CNTNAP2: variants seen among roughly 807,000 people sequenced by gnomAD.
CNTNAP2 encodes the protein contactin associated protein 2.
Under a neutral mutation model 155.2 loss-of-function variants are expected in CNTNAP2, and 98 were observed. The observed-to-expected ratio is 0.63, with a 90% CI of 0.54 to 0.75. CNTNAP2 has a LOEUF of 0.75. Ranked by LOEUF, CNTNAP2 falls within the 30% of genes least tolerant of loss-of-function variation. The pLI, the probability that CNTNAP2 is intolerant of heterozygous loss-of-function variation, is 0.00. For synonymous variants in CNTNAP2, 651 were observed against 631.2 expected (o/e 1.03, Z -0.47); for missense variants, 1,727 against 1,688.1 (o/e 1.02, Z -0.40).
At chr7:147,981,786 G>GGTGT (rs57272792) in intron 15 of CNTNAP2, among the ~76,000 whole-genome samples, 160 of 143,772 alleles carry the variant, frequency 1.1e-3, no homozygotes, top group Middle Eastern at 3.5e-3. Flanking sequence ...TGTCCTTACA[G>GGTGT]GTGTGTGTGT....
At chr7:147,749,618 A>G (rs1333674223) in intron 13 of CNTNAP2, among the ~76,000 whole-genome samples, 1 of 152,042 alleles carries the variant, frequency 6.6e-6, no homozygotes, top group Non-Finnish European at 1.5e-5. Flanking sequence ...TGTGAGATAT[A>G]TGAAGCAAGC....
chr7:148,137,289 A>G (rs1438422583), intron 16 of CNTNAP2, among the ~76,000 whole-genome samples: 1 of 152,232 alleles, frequency 6.6e-6, no homozygotes, highest in East Asian at 1.9e-4. Context: ...TAAATTGGTT[A>G]TGCATCTCTT....
chr7:146,232,897 A>G (rs1019915613), intron 1 of CNTNAP2, among the ~76,000 whole-genome samples: 13 of 152,134 alleles, frequency 8.5e-5, no homozygotes, highest in African/African-American at 2.9e-4. Flanking sequence ...ATGGAAAGCA[A>G]TGTCTTTTTC....
In CNTNAP2 at chr7:147,225,942, G is replaced by GGAAAGGAAGAAAGAGA. The variant is rs1431726957; in HGVS notation, c.1349-74177_1349-74162dup. On this transcript the variant is annotated intron_variant, in intron 8 of 23. Coordinates refer to ENST00000361727, the MANE Select transcript of CNTNAP2 (RefSeq NM_014141.6). ...AGGAAAGAAGGAAGGAAAGAAGGAA[G>GGAAAGGAAGAAAGAGA]GAAAGGAAGAAAGAGAGAAAGGAAG... 2.4e-3 allele frequency among the ~76,000 whole-genome samples: 346 copies of GGAAAGGAAGAAAGAGA among 144,090 alleles called. 2 individuals carry two copies. The highest frequency in any genetic ancestry group is 3.5e-3 in the Non-Finnish European group (228 of 65,376). The allele number at this position is 144,090 out of a possible 152,430, so 94.5% of individuals were successfully genotyped here. A position where few individuals can be genotyped will look rare whatever the true frequency, so the allele number is the denominator to read the frequency against.
chr7:147,127,356 G>A lies in CNTNAP2; in HGVS notation c.940-1337G>A, dbSNP rs142365401. Among the ~76,000 whole-genome samples, 47 of 150,546 alleles carry A rather than the reference G, an allele frequency of 3.1e-4. No homozygotes were observed. The East Asian group carries it at 8.9e-3, about 29-fold the overall frequency. The stretch of plus-strand genomic sequence containing the variant: ...CAGCTAACCATTATTAATAATAATT[G>A]ATTTTATTGTAAATGAGGCCTTTGT... On this transcript the variant is annotated intron_variant, in intron 6 of 23. Transcript: ENST00000361727.
At chr7:148,025,724 C>T (rs951138236) in intron 15 of CNTNAP2, among the ~76,000 whole-genome samples, 2 of 152,202 alleles carry the variant, frequency 1.3e-5, no homozygotes, top group Non-Finnish European at 2.9e-5. Flanking sequence ...AATACTTACT[C>T]TTTCTGTAAT....
chr7:146,671,021 G>T (rs1293256393), intron 1 of CNTNAP2, among the ~76,000 whole-genome samples: 5 of 152,096 alleles, frequency 3.3e-5, no homozygotes, highest in African/African-American at 1.2e-4. Flanking sequence ...TAAACACAAC[G>T]AACTTCAAAG....
chr7:147,072,665 A>T (rs888187450), intron 4 of CNTNAP2, among the ~76,000 whole-genome samples: 1 of 152,026 alleles, frequency 6.6e-6, no homozygotes. Flanking sequence ...GTGGTGGAAA[A>T]AAGTGCTGGA....
At chr7:147,924,781 G>A (rs1183160462) in intron 14 of CNTNAP2, among the ~76,000 whole-genome samples, 1 of 152,076 alleles carries the variant, frequency 6.6e-6, no homozygotes, top group Admixed American at 6.5e-5. Context: ...GCTGTACATA[G>A]AGTAGACAGA....
intron 17 of CNTNAP2, among the ~76,000 whole-genome samples, chr7:148,153,292 A>T (rs1266805287): frequency 6.6e-6 from 1 of 151,960 alleles, no homozygotes; most frequent in African/African-American, 2.4e-5. Flanking sequence ...CATCTAAAAT[A>T]TAATTAGAAG....
At chr7:146,967,193 G>A (rs1291944685) in intron 3 of CNTNAP2, among the ~76,000 whole-genome samples, 1 of 152,092 alleles carries the variant, frequency 6.6e-6, no homozygotes, top group South Asian at 2.1e-4. Flanking sequence ...GATGTCAGGT[G>A]GAAAATATGA....
Position 147,262,784 on chromosome 7 carries a change from CGACA to C in CNTNAP2, c.1349-37350_1349-37347del, listed in dbSNP as rs369179908. On this transcript the variant is annotated intron_variant, in intron 8 of 23. Coordinates refer to ENST00000361727, the MANE Select transcript of CNTNAP2 (RefSeq NM_014141.6). ...TCGCGCCACTGCACTCCAGCCTGGG[CGACA>C]GACAGAGCGAGACTCCGTCTCAAAA... 5.9e-5 allele frequency among the ~76,000 whole-genome samples: 9 copies of C among 152,088 alleles called. No homozygotes were observed. The South Asian group carries it at 1.0e-3, about 18-fold the overall frequency.
intron 1 of CNTNAP2, among the ~76,000 whole-genome samples, chr7:146,331,180 T>C (rs569592076): frequency 7.9e-5 from 12 of 151,692 alleles, no homozygotes; most frequent in Non-Finnish European, 1.8e-4. Context: ...AGCGAGCGCC[T>C]GTAGTCCCAG....
intron 1 of CNTNAP2, among the ~76,000 whole-genome samples, chr7:146,600,854 C>T (rs374661610): frequency 3.3e-5 from 5 of 152,150 alleles, no homozygotes; most frequent in East Asian, 1.9e-4. Flanking sequence ...ATATATTGCT[C>T]TAAGCCAGAT....
chr7:147,515,576 C>T (rs946295833), intron 11 of CNTNAP2, among the ~76,000 whole-genome samples: 1 of 152,056 alleles, frequency 6.6e-6, no homozygotes, highest in Non-Finnish European at 1.5e-5. Context: ...CCACCTCGGC[C>T]TCCCAAAGTG....
At position 147,044,022 on chromosome 7, in the gene CNTNAP2, G is replaced by C; in HGVS notation, c.518G>C (p.Gly173Ala). 1 of 1,614,134 alleles carries C rather than the reference G, an allele frequency of 6.2e-7. No homozygotes were observed. The highest frequency in any genetic ancestry group is 1.3e-5 in the African/African-American group (1 of 75,052). The change falls in exon 4 of 24, where the codon GGA becomes GCA. Residue 173 changes from glycine (G) to alanine (A), a missense_variant. Physicochemically the swap from Gly to Ala is moderately conservative, Grantham distance 60 (BLOSUM62 0). Coordinates refer to ENST00000361727, the MANE Select transcript of CNTNAP2 (RefSeq NM_014141.6). ...PLDWNGEGRI[G>A]LRIEVYGCSY... ...GATTGGAATGGAGAAGGTCGCATTGGACTCAGAATTGAAGTTTATGGCTGT... is the reference window on the plus strand; with the variant it reads ...GATTGGAATGGAGAAGGTCGCATTGCACTCAGAATTGAAGTTTATGGCTGT...
intron 1 of CNTNAP2, among the ~76,000 whole-genome samples, chr7:146,305,807 A>T (rs1399082603): frequency 6.6e-6 from 1 of 152,162 alleles, no homozygotes; most frequent in African/African-American, 2.4e-5. Flanking sequence ...AAGATCTAAA[A>T]TTGACATCCT....
chr7:147,716,524 T>C (rs1021804577), intron 13 of CNTNAP2, among the ~76,000 whole-genome samples: 5 of 152,128 alleles, frequency 3.3e-5, no homozygotes, highest in Admixed American at 1.3e-4. Flanking sequence ...GTTCTCTGCC[T>C]GAGCTGAGCC....
At chr7:148,247,628 T>TC (rs1240391858) in intron 20 of CNTNAP2, among the ~76,000 whole-genome samples, 13 of 85,358 alleles carry the variant, frequency 1.5e-4, no homozygotes, top group African/African-American at 6.2e-4. Flanking sequence ...TCTCTCTCTA[T>TC]TTATTTATTT....
Sources: gnomAD v4.1 joint callset for allele counts (sites outside exome capture counted in the v4.1 genomes callset) on GRCh38, gnomAD v4.1.1 for gene constraint, MANE v1.5 for transcripts, NCBI Gene and HGNC (gene_info 2026-07-23, HGNC 2026-07-21) for gene names.